CRPPA: variants seen among roughly 807,000 people sequenced by gnomAD.
CRPPA encodes the protein D-ribitol-5-phosphate cytidylyltransferase.
In CRPPA, 43 loss-of-function variants were observed where a neutral mutation model predicts 52.0. The observed-to-expected ratio is 0.83, with a 90% confidence interval of 0.65 to 1.07. The LOEUF (loss-of-function observed/expected upper bound fraction) is 1.07, where lower values mean the gene tolerates loss of function less well. Among genes scored for constraint, CRPPA ranks in the 50% least tolerant of loss-of-function variants. The probability of loss-of-function intolerance (pLI) is 0.00; values close to 1 mark genes in which losing one functional copy is unlikely to be tolerated. For missense variants in CRPPA, 629 were observed against 551.7 expected, an observed-to-expected ratio of 1.14 and a Z score of -1.40; for synonymous variants, 250 against 203.5, an observed-to-expected ratio of 1.23 and a Z score of -1.94.
intron 6 of CRPPA, among the ~76,000 whole-genome samples, chr7:16,270,955 A>C (rs761198371): frequency 2.0e-5 from 3 of 152,050 alleles, no homozygotes; most frequent in Non-Finnish European, 4.4e-5. Context: ...TGAGGTCTAT[A>C]ACAAAAGGCA....
chr7:16,368,251 G>C (rs1786660407), intron 3 of CRPPA, among the ~76,000 whole-genome samples: 1 of 152,178 alleles, frequency 6.6e-6, no homozygotes, highest in Non-Finnish European at 1.5e-5. Context: ...TGTTCCTGAA[G>C]ATCGCATAGT....
intron 3 of CRPPA, among the ~76,000 whole-genome samples, chr7:16,338,894 C>T (rs1365902466): frequency 6.7e-6 from 1 of 148,464 alleles, no homozygotes; most frequent in African/African-American, 2.5e-5. Context: ...CGGCTCACTG[C>T]AAGCTCTGCC....
intron 8 of CRPPA, among the ~76,000 whole-genome samples, chr7:16,228,617 A>G (rs1782711464): frequency 6.6e-6 from 1 of 151,944 alleles, no homozygotes; most frequent in African/African-American, 2.4e-5. Context: ...AAAGTCCTCC[A>G]GTTCCTCATT....
At chr7:16,204,639 A>G (rs1387363347) in intron 9 of CRPPA, among the ~76,000 whole-genome samples, 2 of 152,116 alleles carry the variant, frequency 1.3e-5, no homozygotes, top group Non-Finnish European at 2.9e-5. Context: ...AAAAAACAAA[A>G]CTGAGAAGGC....
intron 9 of CRPPA, among the ~76,000 whole-genome samples, chr7:16,124,942 T>C (rs941258868): frequency 5.9e-5 from 9 of 151,996 alleles, no homozygotes; most frequent in African/African-American, 2.2e-4. Flanking sequence ...AATAGCTTTT[T>C]TGAAACCAAA....
At chr7:16,282,397 C>A (rs543834190) in intron 5 of CRPPA, among the ~76,000 whole-genome samples, 4 of 152,004 alleles carry the variant, frequency 2.6e-5, no homozygotes, top group Admixed American at 1.3e-4. Flanking sequence ...TAACAAATTA[C>A]TATAAATTTG....
intron 6 of CRPPA, chr7:16,268,874 A>G (rs1784021809): frequency 6.6e-6 from 1 of 152,286 alleles, no homozygotes; most frequent in Admixed American, 6.5e-5. Flanking sequence ...CTCACCACCA[A>G]TTTCATCACT....
intron 9 of CRPPA, among the ~76,000 whole-genome samples, chr7:16,161,247 T>C (rs1209506850): frequency 3.3e-5 from 5 of 152,206 alleles, no homozygotes; most frequent in Non-Finnish European, 7.3e-5. Flanking sequence ...AGAGAGGGTA[T>C]CCTTGTCTTC....
At chr7:16,110,921 A>T (rs1782249955) in intron 9 of CRPPA, among the ~76,000 whole-genome samples, 1 of 152,112 alleles carries the variant, frequency 6.6e-6, no homozygotes. Context: ...AGGAAACAAA[A>T]GCGAAAGTAG....
chr7:16,351,069 C>A (rs907877311), intron 3 of CRPPA, among the ~76,000 whole-genome samples: 2 of 151,982 alleles, frequency 1.3e-5, no homozygotes, highest in Non-Finnish European at 2.9e-5. Context: ...AATATATAGG[C>A]ACCCAATATC....
chr7:16,319,117 T>C (rs1248751951), intron 3 of CRPPA, among the ~76,000 whole-genome samples: 4 of 152,188 alleles, frequency 2.6e-5, no homozygotes, highest in African/African-American at 7.2e-5. Flanking sequence ...ACACAACTCA[T>C]AGCTGAGTCA....
At chr7:16,287,503 A>G (rs1026357705) in intron 5 of CRPPA, among the ~76,000 whole-genome samples, 3 of 152,234 alleles carry the variant, frequency 2.0e-5, no homozygotes, top group Non-Finnish European at 4.4e-5. Flanking sequence ...CCCCAAAATT[A>G]GCATGTTGGA....
intron 9 of CRPPA, among the ~76,000 whole-genome samples, chr7:16,140,569 C>T (rs946148344): frequency 2.6e-5 from 4 of 152,130 alleles, no homozygotes; most frequent in African/African-American, 9.7e-5. Context: ...CAACAGAAGC[C>T]CCAGATGTGA....
intron 2 of CRPPA, 48 bp from the exon 3 acceptor site, chr7:16,376,289 A>G (rs751373334): frequency 3.9e-6 from 6 of 1,541,870 alleles, no homozygotes; most frequent in Non-Finnish European, 5.2e-6. Context: ...AAGCCATTTT[A>G]AAGTGAAATT....
Position 16,334,224 on chromosome 7 carries a change from G to A in CRPPA, c.685-25597C>T, listed in dbSNP as rs886814800. The stretch of plus-strand genomic sequence containing the variant: ...AGGCAGCTTCCCGCATAGCCCAGGT[G>A]TCCTCGTTCAGGTCAAGAAGCAACT... On this transcript the variant is annotated intron_variant, in intron 3 of 9. Transcript: ENST00000407010. Among the ~76,000 whole-genome samples, 12 of 152,284 alleles carry A rather than the reference G, an allele frequency of 7.9e-5. No individual in the cohort carries two copies. The Middle Eastern group carries it at 0.014, about 173-fold the overall frequency.
intron 3 of CRPPA, among the ~76,000 whole-genome samples, chr7:16,352,899 A>G (rs1443222602): frequency 3.3e-5 from 5 of 150,156 alleles, no homozygotes; most frequent in Non-Finnish European, 7.4e-5. Flanking sequence ...ACACACACAC[A>G]CACACACACA....
In CRPPA at chr7:16,220,988, G is replaced by T. The variant is rs200396778; in HGVS notation, c.1120-4791C>A. ...CCAAAAAAGAGCCCGCATCACCAAG[G>T]CAATCCTAAGCCAAAAGAACAAAGC... On this transcript the variant is annotated intron_variant, in intron 8 of 9. Coordinates refer to ENST00000407010, the MANE Select transcript of CRPPA (RefSeq NM_001101426.4). 0.018 allele frequency among the ~76,000 whole-genome samples: 2,772 copies of T among 151,300 alleles called. 106 individuals carry two copies. The East Asian group carries it at 0.19, about 10-fold the overall frequency.
intron 8 of CRPPA, among the ~76,000 whole-genome samples, chr7:16,216,811 T>C (rs906488294): frequency 6.6e-6 from 1 of 152,064 alleles, no homozygotes; most frequent in Admixed American, 6.5e-5. Flanking sequence ...GTCTCACTGA[T>C]TGCTAGCACA....
At chr7:16,262,369 C>T (rs1003810567) in intron 6 of CRPPA, among the ~76,000 whole-genome samples, 4 of 152,064 alleles carry the variant, frequency 2.6e-5, no homozygotes, top group African/African-American at 7.2e-5. Context: ...TTTCTCTAAG[C>T]GACTAGTTCT....
Sources: gnomAD v4.1 joint callset for allele counts (sites outside exome capture counted in the v4.1 genomes callset) on GRCh38, gnomAD v4.1.1 for gene constraint, MANE v1.5 for transcripts, NCBI Gene and HGNC (gene_info 2026-07-23, HGNC 2026-07-21) for gene names.